The following KIF11 variants were observed in gnomAD, a reference collection of about 807,000 sequenced individuals.
The protein encoded by KIF11 is kinesin family member 11.
A neutral mutation model predicts 121.0 loss-of-function variants in KIF11; 9 were observed. That is an observed-to-expected ratio of 0.07 (90% confidence interval 0.04 to 0.13). The LOEUF (loss-of-function observed/expected upper bound fraction) is 0.13, where lower values mean the gene tolerates loss of function less well. Among genes scored for constraint, KIF11 ranks in the 10% least tolerant of loss-of-function variants. The probability of loss-of-function intolerance (pLI) is 1.00; values close to 1 mark genes in which losing one functional copy is unlikely to be tolerated. For synonymous variants in KIF11, 408 were observed against 421.0 expected, an observed-to-expected ratio of 0.97 and a Z score of 0.38; for missense variants, 846 against 1,217.5, an observed-to-expected ratio of 0.69 and a Z score of 4.54.
At chr10:92,607,618 G>C (rs1191235139) in intron 4 of KIF11, among the ~76,000 whole-genome samples, 3 of 152,128 alleles carry the variant, frequency 2.0e-5, no homozygotes, top group African/African-American at 4.8e-5. Context: ...CTTTATTCAT[G>C]ATGATCCTAA....
intron 9 of KIF11, among the ~76,000 whole-genome samples, chr10:92,617,825 C>T (rs906737207): frequency 3.3e-5 from 5 of 152,084 alleles, no homozygotes; most frequent in East Asian, 1.9e-4. Flanking sequence ...GTGCAACCTC[C>T]GCCTCCCAGG....
At chr10:92,644,321 GTTTT>G (rs1271260500) in intron 17 of KIF11, among the ~76,000 whole-genome samples, 1 of 151,508 alleles carries the variant, frequency 6.6e-6, no homozygotes, top group South Asian at 2.1e-4. Flanking sequence ...ATTTTGTTTT[GTTTT>G]TTTTATTTGA....
intron 18 of KIF11, among the ~76,000 whole-genome samples, chr10:92,646,643 C>A (rs1844923837): frequency 6.6e-6 from 1 of 152,020 alleles, no homozygotes; most frequent in Non-Finnish European, 1.5e-5. Context: ...AGCCAACCTC[C>A]CCATCTTCAA....
intron 1 of KIF11, among the ~76,000 whole-genome samples, chr10:92,604,870 T>C (rs1844411623): frequency 6.6e-6 from 1 of 152,148 alleles, no homozygotes; most frequent in South Asian, 2.1e-4. Context: ...CCATAATTCC[T>C]CTTAGGATGA....
At chr10:92,626,061 G>GA (rs1298405920) in intron 10 of KIF11, among the ~76,000 whole-genome samples, 3 of 152,126 alleles carry the variant, frequency 2.0e-5, no homozygotes, top group Admixed American at 6.6e-5. Flanking sequence ...ATTCTTCACA[G>GA]AAAAAACTAT....
At chr10:92,624,289 G>A (rs1287013821) in intron 10 of KIF11, among the ~76,000 whole-genome samples, 1 of 146,118 alleles carries the variant, frequency 6.8e-6, no homozygotes, top group Non-Finnish European at 1.5e-5. Flanking sequence ...GGAGTATAGT[G>A]GTGTGATCTC....
At position 92,606,269 on chromosome 10, in the gene KIF11, T is replaced by C. The variant is rs1242282875; in HGVS notation, c.82T>C (p.Phe28Leu). The change falls in exon 2 of 22, where the codon TTT becomes CTT. Residue 28 changes from phenylalanine (F) to leucine (L), a missense_variant. Coordinates refer to ENST00000260731, the MANE Select transcript of KIF11 (RefSeq NM_004523.4). ...TTTGTGTATTTCTTTTTATAGACCA[T>C]TTAATTTGGCAGAGCGGAAAGCTAG... Reference protein sequence around the residue: ...NIQVVVRCRPFNLAERKASAH... With the variant: ...NIQVVVRCRPLNLAERKASAH... The C allele has an allele frequency of 1.3e-6, 2 of 1,588,204 alleles. No individual in the cohort carries two copies. The highest frequency in any genetic ancestry group is 1.7e-6 in the Non-Finnish European group (2 of 1,173,500).
rs1349208758 is a variant in KIF11, at chr10:92,650,495, T to C, written c.3017T>C (p.Ile1006Thr). Reference sequence around the variant, plus strand: ...GATGCTGGTGTGGATTGTTCATCAATTGGCGGGGTTCCATTTTTCCAGGTA... The same window carrying C: ...GATGCTGGTGTGGATTGTTCATCAACTGGCGGGGTTCCATTTTTCCAGGTA... ...SVDAGVDCSS[I>T]GGVPFFQHKK... Residue 1006 changes from isoleucine (I) to threonine (T), a missense_variant, in exon 21 of 22, where the codon ATT becomes ACT. Physicochemically the swap from Ile to Thr is moderately conservative, Grantham distance 89. Transcript: ENST00000260731. The C allele has an allele frequency of 6.2e-7, 1 of 1,610,668 alleles. No individual in the cohort carries two copies. Among genetic ancestry groups the C allele is most frequent in the Admixed American group, 1.7e-5 (1 of 60,014 alleles).
intron 1 of KIF11, among the ~76,000 whole-genome samples, chr10:92,596,002 T>G (rs546321797): frequency 1.3e-5 from 2 of 152,278 alleles, no homozygotes; most frequent in African/African-American, 4.8e-5. Context: ...TACTTCTTTT[T>G]TTGTTGTTGT....
intron 1 of KIF11, among the ~76,000 whole-genome samples, chr10:92,595,837 G>A (rs561567716): frequency 2.0e-5 from 3 of 152,214 alleles, no homozygotes; most frequent in Admixed American, 2.0e-4. Context: ...TTATCCTTTT[G>A]TGACTTGCTC....
chr10:92,637,079 T>C lies in KIF11; in HGVS notation c.1876-105T>C, dbSNP rs183384872. On this transcript the variant is annotated intron_variant, in intron 14 of 21. Coordinates refer to ENST00000260731, the MANE Select transcript of KIF11 (RefSeq NM_004523.4). ...GAATGGAGAATGGAAATGTAAATTT[T>C]AATGTGAATGTTTAGCTACCAAAGT... 6.5e-5 allele frequency: 56 copies of C among 861,522 alleles called. No individual in the cohort carries two copies. The East Asian group carries it at 1.6e-3, about 25-fold the overall frequency. 53.4% of individuals were successfully genotyped at this position (861,522 alleles called of 1,614,324 possible).
intron 5 of KIF11, 37 bp downstream of exon 5, chr10:92,609,242 T>C (rs376065722): frequency 4.6e-6 from 7 of 1,533,906 alleles, no homozygotes; most frequent in Non-Finnish European, 6.2e-6. Flanking sequence ...TCTCTGAATT[T>C]TAATGTGTGA....
intron 9 of KIF11, among the ~76,000 whole-genome samples, chr10:92,618,383 G>C (rs1844582046): frequency 6.6e-6 from 1 of 151,632 alleles, no homozygotes; most frequent in Non-Finnish European, 1.5e-5. Flanking sequence ...GGTGGCTCAT[G>C]CCTGTAATCC....
At chr10:92,624,942 G>A (rs1428695362) in intron 10 of KIF11, among the ~76,000 whole-genome samples, 2 of 151,646 alleles carry the variant, frequency 1.3e-5, no homozygotes, top group African/African-American at 2.4e-5. Flanking sequence ...GCTAATTTTT[G>A]TATTTTTAGT....
At chr10:92,615,546 G>T (rs75736773) in intron 8 of KIF11, among the ~76,000 whole-genome samples, 6,501 of 152,062 alleles carry the variant, frequency 0.043, 177 homozygotes, top group Admixed American at 0.063. Flanking sequence ...TTACAGAGTT[G>T]TCCAACCATC....
chr10:92,610,070 C>T (rs1321583771), intron 6 of KIF11, among the ~76,000 whole-genome samples: 1 of 152,082 alleles, frequency 6.6e-6, no homozygotes, highest in East Asian at 1.9e-4. Context: ...TCCTTTTATT[C>T]TAGTAACATG....
intron 21 of KIF11, 84 bp from the exon 22 acceptor site, chr10:92,653,581 C>G (rs934166210): frequency 7.5e-7 from 1 of 1,332,670 alleles, no homozygotes; most frequent in Non-Finnish European, 1.0e-6. Flanking sequence ...GCCTATAACC[C>G]AGAGAACTTT....
chr10:92,630,881 A>AG (rs1398700386), intron 12 of KIF11, among the ~76,000 whole-genome samples: 11 of 151,288 alleles, frequency 7.3e-5, no homozygotes, highest in South Asian at 2.1e-4. Context: ...AAAAAAAAAA[A>AG]AAAAGAAAAT....
chr10:92,650,483 A>C lies in KIF11; in HGVS notation c.3005A>C (p.Asp1002Ala), dbSNP rs776077067. 1 of 1,612,928 alleles carries C rather than the reference A, an allele frequency of 6.2e-7. No individual in the cohort carries two copies. The change falls in exon 21 of 22, where the codon GAT becomes GCT. Residue 1002 changes from aspartate (D) to alanine (A), a missense_variant. This residue lies in a region of KIF11 where 492 missense variants were observed against 603.4 expected (regional missense o/e 0.82). Coordinates refer to ENST00000260731, the MANE Select transcript of KIF11 (RefSeq NM_004523.4). Reference sequence around the variant, plus strand: ...GAGCCATCTGTAGATGCTGGTGTGGATTGTTCATCAATTGGCGGGGTTCCA... The same window carrying C: ...GAGCCATCTGTAGATGCTGGTGTGGCTTGTTCATCAATTGGCGGGGTTCCA... ...SQEPSVDAGV[D>A]CSSIGGVPFF... is the part of the protein sequence containing the mutation.
Sources: gnomAD v4.1 joint callset for allele counts (sites outside exome capture counted in the v4.1 genomes callset) on GRCh38, gnomAD v4.1.1 for gene constraint, gnomAD v4.1.1 regional missense constraint, MANE v1.5 for transcripts, NCBI Gene and HGNC (gene_info 2026-07-23, HGNC 2026-07-21) for gene names.